KLKB1: variants seen among roughly 807,000 people sequenced by gnomAD.
The protein encoded by KLKB1 is plasma kallikrein.
KLKB1 carries 58 observed loss-of-function variants against 73.6 expected under a neutral mutation model. The ratio of observed to expected loss-of-function variants is 0.79; its 90% CI spans 0.64 to 0.98. The LOEUF is 0.98. Among genes scored for constraint, KLKB1 ranks in the 50% least tolerant of loss-of-function variants. KLKB1 has a pLI of 0.00. For synonymous variants in KLKB1, 280 were observed against 258.1 expected (o/e 1.08, Z -0.81); for missense variants, 737 against 763.8 (o/e 0.96, Z 0.41).
upstream of KLKB1, among the ~76,000 whole-genome samples, chr4:186,225,590 C>T (rs1302879505): frequency 6.6e-6 from 1 of 151,852 alleles, no homozygotes; most frequent in South Asian, 2.1e-4. Context: ...CACCACCACG[C>T]CTGGCTAAAT....
At chr4:186,256,154 C>A (rs1478435843) in intron 13 of KLKB1, 67 bp downstream of exon 13, 5 of 941,476 alleles carry the variant, frequency 5.3e-6, no homozygotes, top group Admixed American at 5.2e-5. Context: ...TGGAGTGGGT[C>A]GTTTTAATCG....
chr4:186,223,986 G>A (rs945930367), upstream of KLKB1, among the ~76,000 whole-genome samples: 1 of 152,196 alleles, frequency 6.6e-6, no homozygotes, highest in African/African-American at 2.4e-5. Context: ...GGTGCCCTGT[G>A]CCCCAGCCAC....
rs188038815 is a variant in KLKB1, at chr4:186,250,251, A to G, written c.607A>G (p.Met203Val). Residue 203 changes from methionine (M) to valine (V), a missense_variant, in exon 7 of 15, where the codon ATG (methionine) becomes GTG (valine). Coordinates refer to ENST00000264690, the MANE Select transcript of KLKB1 (RefSeq NM_000892.5). The stretch of plus-strand genomic sequence containing the variant: ...TCTCTGTGAGTTCACAGGTTGCCAC[A>G]TGAACATCTTCCAGCATCTTGCGTT... ...PCALSEIGCH[M>V]NIFQHLAFSD... The G allele has an allele frequency of 3.9e-4, 635 of 1,614,166 alleles. 3 individuals are homozygous for G. The Admixed American group carries it at 9.7e-3, about 25-fold the overall frequency.
intron 2 of KLKB1, chr4:186,211,175 A>T (rs1736707524): frequency 6.5e-6 from 1 of 154,056 alleles, no homozygotes; most frequent in African/African-American, 2.4e-5. Flanking sequence ...TAGATGTTAC[A>T]GTTGGCTGTG....
At position 186,258,336 on chromosome 4, in the gene KLKB1, C is replaced by A; in HGVS notation, c.*124C>A. Reference sequence around the variant, plus strand: ...CTTTGCATCCTAAGGACGAAAAACACAGTGCACTCAGAGCTGCTGAGGACA... The same window carrying A: ...CTTTGCATCCTAAGGACGAAAAACAAAGTGCACTCAGAGCTGCTGAGGACA... On this transcript the variant is annotated 3_prime_UTR_variant, in exon 15 of 15. Coordinates refer to ENST00000264690, the MANE Select transcript of KLKB1 (RefSeq NM_000892.5). 1 of 834,710 alleles carries A rather than the reference C, an allele frequency of 1.2e-6. No individual in the cohort carries two copies. The highest frequency in any genetic ancestry group is 2.0e-6 in the Non-Finnish European group (1 of 497,192). The allele number at this position is 834,710 out of a possible 1,614,324, so 51.7% of individuals were successfully genotyped here.
intron 2 of KLKB1, among the ~76,000 whole-genome samples, chr4:186,231,362 A>G (rs1417038924): frequency 1.3e-5 from 2 of 152,248 alleles, no homozygotes; most frequent in African/African-American, 4.8e-5. Flanking sequence ...AAGCCAGTAA[A>G]GACACCGAAT....
At position 186,258,395 on chromosome 4, in the gene KLKB1, A is replaced by G. The variant is rs1179425576; in HGVS notation, c.*183A>G. On this transcript the variant is annotated 3_prime_UTR_variant, in exon 15 of 15. Transcript: ENST00000264690. ...CTGAAGCCCGCTTTCAGCACGCCGT[A>G]ACCAGGGGCTGACAATGCGAGGTCG... 1.5e-6 allele frequency: 1 copy of G among 662,894 alleles called. No homozygotes were observed. The highest frequency in any genetic ancestry group is 2.7e-6 in the Non-Finnish European group (1 of 366,612). The allele number at this position is 662,894 out of a possible 1,614,324, so 41.1% of individuals were successfully genotyped here.
At chr4:186,233,855 A>T in intron 3 of KLKB1, 97 bp from the exon 4 acceptor site, 1 of 863,808 alleles carries the variant, frequency 1.2e-6, no homozygotes, top group Non-Finnish European at 1.9e-6. Context: ...TATTTTCCTT[A>T]TTCCTGGTTT....
chr4:186,254,565 A>G (rs749957735), intron 11 of KLKB1, 23 bp from the exon 12 acceptor site: 1 of 1,604,460 alleles, frequency 6.2e-7, no homozygotes, highest in Non-Finnish European at 8.5e-7. Flanking sequence ...AGTTTCAAAC[A>G]GGTATTTATT....
At chr4:186,212,770 A>C (rs1561440876) in intron 2 of KLKB1, 1 of 152,248 alleles carries the variant, frequency 6.6e-6, no homozygotes, top group East Asian at 1.9e-4. Flanking sequence ...GCCATTTGGC[A>C]AGCCCTGTAG....
At chr4:186,230,628 T>C (rs1256962650) in intron 2 of KLKB1, among the ~76,000 whole-genome samples, 6 of 152,206 alleles carry the variant, frequency 3.9e-5, no homozygotes, top group Non-Finnish European at 1.5e-5. Context: ...CAAGAACACC[T>C]ACTAGAAGTT....
intron 4 of KLKB1, among the ~76,000 whole-genome samples, chr4:186,234,428 T>G (rs1171042664): frequency 1.3e-5 from 2 of 152,186 alleles, no homozygotes; most frequent in African/African-American, 4.8e-5. Flanking sequence ...CAACCAGCAG[T>G]GATTTTGTCT....
At chr4:186,226,421 GA>G (rs1209989717), upstream of KLKB1, 1 of 152,336 alleles carries the variant, frequency 6.6e-6, no homozygotes, top group Non-Finnish European at 1.5e-5. Flanking sequence ...TCACTAGTCA[GA>G]TTGACCAGAG....
At chr4:186,224,895 C>T (rs897094599), upstream of KLKB1, among the ~76,000 whole-genome samples, 11 of 152,154 alleles carry the variant, frequency 7.2e-5, no homozygotes, top group African/African-American at 2.4e-4. Context: ...CATGGGATTA[C>T]ATGGGAGGGG....
chr4:186,211,320 G>A (rs142737300), intron 2 of KLKB1: 4 of 151,652 alleles, frequency 2.6e-5, no homozygotes, highest in African/African-American at 4.9e-5. Context: ...TAGAGTTTTT[G>A]TTTGTTTGTT....
At chr4:186,225,530 C>G (rs1737139171), upstream of KLKB1, among the ~76,000 whole-genome samples, 1 of 147,344 alleles carries the variant, frequency 6.8e-6, no homozygotes. Flanking sequence ...CTCCTGGGTT[C>G]ACACCATTTT....
intron 11 of KLKB1, among the ~76,000 whole-genome samples, chr4:186,252,879 C>G (rs1561465981): frequency 6.6e-6 from 1 of 152,202 alleles, no homozygotes; most frequent in Non-Finnish European, 1.5e-5. Flanking sequence ...GAGTTTCGTA[C>G]TCTGTATATT....
chr4:186,211,664 TAC>T lies in KLKB1; in HGVS notation c.201+2424_201+2425del, dbSNP rs60425964. 120 of 138,422 alleles carry T rather than the reference TAC, an allele frequency of 8.7e-4. 1 individual carries two copies. The East Asian group carries it at 0.011, about 12-fold the overall frequency. The allele number at this position is 138,422 out of a possible 1,614,324, so 8.6% of individuals were successfully genotyped here. On this transcript the variant is annotated intron_variant, in intron 2 of 14. Coordinates refer to the KLKB1 transcript ENST00000511608. ...TCATGGTGACTCAGGAATACACACATACACACACACACACACACACACACACA... is the reference window on the plus strand; with the variant it reads ...TCATGGTGACTCAGGAATACACACATACACACACACACACACACACACACA...
intron 14 of KLKB1, among the ~76,000 whole-genome samples, chr4:186,257,744 A>AGTGTGAGT (rs1739082549): frequency 6.8e-6 from 1 of 147,104 alleles, no homozygotes; most frequent in East Asian, 2.0e-4. Context: ...AGAAAGAGTG[A>AGTGTGAGT]GTGTGTGTGT....
Sources: gnomAD v4.1 joint callset for allele counts (sites outside exome capture counted in the v4.1 genomes callset) on GRCh38, gnomAD v4.1.1 for gene constraint, MANE v1.5 for transcripts, NCBI Gene and HGNC (gene_info 2026-07-23, HGNC 2026-07-21) for gene names.